Variants in SMPD3 observed in about 807,000 individuals in gnomAD.
The protein encoded by SMPD3 is nSMase-2.
In SMPD3, 21 loss-of-function variants were observed where a neutral mutation model predicts 55.7. That is an observed-to-expected ratio of 0.38 (90% CI 0.27 to 0.54). SMPD3 has a LOEUF of 0.54. Among genes scored for constraint, SMPD3 ranks in the 20% least tolerant of loss-of-function variants. SMPD3 has a pLI of 0.80. For missense variants in SMPD3, 842 were observed against 899.6 expected (o/e 0.94, Z 0.82); for synonymous variants, 457 against 404.3 (o/e 1.13, Z -1.56).
chr16:68,364,536 A>C lies in SMPD3; in HGVS notation c.1555+215T>G, dbSNP rs965717397. 3.3e-5 allele frequency: 19 copies of C among 575,292 alleles called. No homozygotes were observed. The African/African-American group carries it at 3.4e-4, about 10-fold the overall frequency. 35.6% of individuals were successfully genotyped at this position (575,292 alleles called of 1,614,324 possible). On this transcript the variant is annotated intron_variant, in intron 5 of 8. Coordinates refer to ENST00000219334, the MANE Select transcript of SMPD3 (RefSeq NM_018667.4). ...CCTTCCTTGTCAGAGGTTCGTTTTT[A>C]GGGCATCTCTGTCTCCAGCTTTCTA...
intron 5 of SMPD3, 106 bp downstream of exon 5, chr16:68,364,645 G>T: frequency 1.5e-6 from 2 of 1,293,234 alleles, no homozygotes; most frequent in Non-Finnish European, 2.1e-6. Context: ...ACATGCTCTC[G>T]AGGAGCAGGA....
At chr16:68,428,517 G>A (rs1041318886) in intron 1 of SMPD3, among the ~76,000 whole-genome samples, 5 of 152,216 alleles carry the variant, frequency 3.3e-5, no homozygotes, top group African/African-American at 1.2e-4. Context: ...ATTTTCAAAG[G>A]GGAGGGTGGG....
chr16:68,399,270 G>A (rs1416737680), intron 1 of SMPD3, among the ~76,000 whole-genome samples: 1 of 152,140 alleles, frequency 6.6e-6, no homozygotes, highest in Non-Finnish European at 1.5e-5. Flanking sequence ...GGGGACTTCT[G>A]GCTTCTCCTA....
At chr16:68,438,770 C>A (rs2090544848) in intron 1 of SMPD3, among the ~76,000 whole-genome samples, 1 of 152,156 alleles carries the variant, frequency 6.6e-6, no homozygotes, top group African/African-American at 2.4e-5. Flanking sequence ...GACTTCTCCA[C>A]AAGTTGACCC....
chr16:68,376,734 G>A (rs2089825541), intron 2 of SMPD3, among the ~76,000 whole-genome samples: 1 of 152,164 alleles, frequency 6.6e-6, no homozygotes, highest in Admixed American at 6.5e-5. Flanking sequence ...GGTCAGTGTG[G>A]GAGGCCACAC....
chr16:68,401,355 T>A (rs1178373022), intron 1 of SMPD3, among the ~76,000 whole-genome samples: 1 of 151,834 alleles, frequency 6.6e-6, no homozygotes, highest in African/African-American at 2.4e-5. Context: ...ATTTTTTAGG[T>A]TTTTGCCACC....
rs767498504 is a variant in SMPD3, at chr16:68,370,846, C to T, written c.1323+13G>A. ...CTGGCACGTGGTCCTCAGGCTGGGC[C>T]GAGGTCTCCTACCTTGAGAAACAGA... On this transcript the variant is annotated intron_variant, in intron 3 of 8. Coordinates refer to ENST00000219334, the MANE Select transcript of SMPD3 (RefSeq NM_018667.4). 25 of 1,612,518 alleles carry T rather than the reference C, an allele frequency of 1.6e-5. No homozygotes were observed. The highest frequency in any genetic ancestry group is 1.6e-5 in the Non-Finnish European group (19 of 1,179,318).
intron 1 of SMPD3, among the ~76,000 whole-genome samples, chr16:68,432,435 A>G (rs2090487933): frequency 6.6e-6 from 1 of 152,252 alleles, no homozygotes; most frequent in African/African-American, 2.4e-5. Context: ...CTTAGAGCTG[A>G]AATTGATAAG....
At chr16:68,408,970 G>A (rs952510836) in intron 1 of SMPD3, among the ~76,000 whole-genome samples, 3 of 152,122 alleles carry the variant, frequency 2.0e-5, no homozygotes, top group Admixed American at 1.3e-4. Flanking sequence ...ACTCCCCACC[G>A]CTATGGAGTG....
At chr16:68,443,497 TG>T (rs2090584223) in intron 1 of SMPD3, among the ~76,000 whole-genome samples, 1 of 152,228 alleles carries the variant, frequency 6.6e-6, no homozygotes, top group Non-Finnish European at 1.5e-5. Context: ...AGCTTCCTCA[TG>T]TTTTTTTTCC....
rs1386202371 is a variant in SMPD3, at chr16:68,359,505, T to C, written c.*1701A>G. 6 of 152,744 alleles carry C rather than the reference T, an allele frequency of 3.9e-5. No homozygotes were observed. The highest frequency in any genetic ancestry group is 3.9e-4 in the Admixed American group (6 of 15,276). The allele number at this position is 152,744 out of a possible 1,614,324, so 9.5% of individuals were successfully genotyped here. Reference sequence around the variant, plus strand: ...CCAGGCTCCCTGGGCTCTGCAGCGTTGTCTGCCCCAGCACAGGGCCAGGCA... The same window carrying C: ...CCAGGCTCCCTGGGCTCTGCAGCGTCGTCTGCCCCAGCACAGGGCCAGGCA... On this transcript the variant is annotated 3_prime_UTR_variant, in exon 9 of 9. Transcript: ENST00000219334.
chr16:68,372,022 A>T lies in SMPD3; in HGVS notation c.160T>A (p.Cys54Ser), dbSNP rs759796426. ...EKRQRADDPC[C>S]LQLLCTALFT... ...AGGGCAGTGCAGAGCAGCTGCAGGC[A>T]GCACGGGTCGTCTGCCCGCTGGCGC... Residue 54 changes from cysteine (C) to serine (S), a missense_variant, in exon 3 of 9, where the codon TGC becomes AGC. This residue lies in a region of SMPD3 where 193 missense variants were observed against 256.0 expected (regional missense o/e 0.75). Transcript: ENST00000219334. The T allele has an allele frequency of 8.9e-5, 144 of 1,611,392 alleles. No individual in the cohort carries two copies. Among genetic ancestry groups the T allele is most frequent in the Non-Finnish European group, 1.2e-4 (138 of 1,179,216 alleles).
At chr16:68,402,501 C>T (rs1385998975) in intron 1 of SMPD3, among the ~76,000 whole-genome samples, 2 of 152,144 alleles carry the variant, frequency 1.3e-5, no homozygotes, top group Admixed American at 6.5e-5. Context: ...TGGTGGAAGG[C>T]GTGGTGACTC....
intron 1 of SMPD3, among the ~76,000 whole-genome samples, chr16:68,391,590 C>T (rs12927428): frequency 1.3e-5 from 2 of 151,918 alleles, no homozygotes; most frequent in Non-Finnish European, 2.9e-5. Context: ...GATCAGTTAT[C>T]CATTTGGAAA....
intron 6 of SMPD3, 86 bp from the exon 7 acceptor site, chr16:68,363,645 C>T (rs2089384940): frequency 2.7e-6 from 4 of 1,463,246 alleles, no homozygotes; most frequent in Non-Finnish European, 3.8e-6. Flanking sequence ...TGGACACGGG[C>T]TTCTGCTAGC....
At chr16:68,409,909 C>T (rs2090285384) in intron 1 of SMPD3, among the ~76,000 whole-genome samples, 2 of 152,196 alleles carry the variant, frequency 1.3e-5, no homozygotes, top group South Asian at 2.1e-4. Context: ...GGTTATTATC[C>T]TGTCCTGGGG....
Position 68,363,835 on chromosome 16 carries a change from G to C in SMPD3, c.1587C>G (p.Phe529Leu). Residue 529 changes from phenylalanine to leucine, a missense_variant, in exon 6 of 9, where the codon TTC becomes TTG. By Grantham distance (22) the Phe-to-Leu change is conservative. Transcript: ENST00000219334. ...DDKLEQQHSL[F>L]THYRDPCRLG... ...GGCGGCAGGGGTCCCTGTAGTGGGT[G>C]AACAGGGAGTGTTGCTGCTCCAGCT... The C allele has an allele frequency of 5.1e-6, 8 of 1,570,200 alleles. No homozygotes were observed. Among genetic ancestry groups the C allele is most frequent in the Non-Finnish European group, 6.9e-6 (8 of 1,157,532 alleles).
chr16:68,363,484 C>T lies in SMPD3; in HGVS notation c.1709+12G>A, dbSNP rs371304037. 100 of 1,613,926 alleles carry T rather than the reference C, an allele frequency of 6.2e-5. No individual in the cohort carries two copies. The highest frequency in any genetic ancestry group is 1.7e-4 in the Middle Eastern group (1 of 6,040). Reference sequence around the variant, plus strand: ...GTGTGCCTCGTCCCTGGCCTGGGAGCGCAGTGCTTACTTCTGCAGGTTGTC... The same window carrying T: ...GTGTGCCTCGTCCCTGGCCTGGGAGTGCAGTGCTTACTTCTGCAGGTTGTC... On this transcript the variant is annotated intron_variant, in intron 7 of 8. Coordinates refer to ENST00000219334, the MANE Select transcript of SMPD3 (RefSeq NM_018667.4).
intron 1 of SMPD3, among the ~76,000 whole-genome samples, chr16:68,391,730 T>C (rs558013526): frequency 3.9e-5 from 6 of 152,084 alleles, no homozygotes; most frequent in Non-Finnish European, 5.9e-5. Flanking sequence ...CTGGGGGACA[T>C]CTAAGAGGGT....
Sources: allele counts gnomAD v4.1 joint callset (sites outside exome capture counted in the v4.1 genomes callset), GRCh38; gene constraint gnomAD v4.1.1; regional missense constraint gnomAD v4.1.1; transcripts MANE v1.5; gene names NCBI Gene and HGNC (gene_info 2026-07-23, HGNC 2026-07-21).